The following KRT71 variants were observed in gnomAD, a reference collection of about 807,000 sequenced individuals.
KRT71 encodes keratin, type II cytoskeletal 71.
Under a neutral mutation model 46.2 loss-of-function variants are expected in KRT71, and 42 were observed. That is an observed-to-expected ratio of 0.91 (90% CI 0.71 to 1.18). The LOEUF (loss-of-function observed/expected upper bound fraction) is 1.18, where lower values mean the gene tolerates loss of function less well. Among genes scored for constraint, KRT71 ranks in the 50% most tolerant of loss-of-function variants. The pLI, the probability that KRT71 is intolerant of heterozygous loss-of-function variation, is 0.00. For missense variants in KRT71, 708 were observed against 677.9 expected (o/e 1.04, Z -0.49); for synonymous variants, 292 against 277.8 (o/e 1.05, Z -0.51).
In KRT71 at chr12:52,550,195, G is replaced by C. The variant is rs776903920; in HGVS notation, c.490C>G (p.Leu164Val). ...QNQVLETKWE[L>V]LQQLDLNNCK... ...TTGTTCAGGTCCAGCTGCTGCAGCA[G>C]CTCCCACTTGGTCTCCAGTACCTGG... The change falls in exon 2 of 9, where the codon CTG becomes GTG. Residue 164 changes from leucine to valine, a missense_variant. Coordinates refer to ENST00000267119, the MANE Select transcript of KRT71 (RefSeq NM_033448.3). 2 of 1,614,212 alleles carry C rather than the reference G, an allele frequency of 1.2e-6. No homozygotes were observed. The highest frequency in any genetic ancestry group is 1.1e-5 in the South Asian group (1 of 91,088).
intron 8 of KRT71, 106 bp from the exon 9 acceptor site, chr12:52,544,849 G>C (rs1404906296): frequency 2.3e-6 from 2 of 871,770 alleles, no homozygotes; most frequent in Admixed American, 4.1e-5. Flanking sequence ...GTGGGGAGGT[G>C]CACACCCGCT....
At position 52,549,225 on chromosome 12, in the gene KRT71, C is replaced by A. The variant is rs185029487; in HGVS notation, c.717+68G>T. 6.4e-5 allele frequency: 79 copies of A among 1,230,252 alleles called. No individual in the cohort carries two copies. In the African/African-American group the frequency reaches 1.1e-3, roughly 16 times the overall value. 76.2% of individuals were successfully genotyped at this position (1,230,252 alleles called of 1,614,324 possible). On this transcript the variant is annotated intron_variant, in intron 3 of 8. Transcript: ENST00000267119. The stretch of plus-strand genomic sequence containing the variant: ...CACCTTGAGGGGGGCTAACAGAGCA[C>A]CTTGGCAGGCTCTGTTCCTCCAGGT...
chr12:52,551,880 C>T (rs1036505141), intron 1 of KRT71, among the ~76,000 whole-genome samples: 5 of 152,336 alleles, frequency 3.3e-5, no homozygotes, highest in Middle Eastern at 3.4e-3. Flanking sequence ...GATTCCTCCC[C>T]TGAGCTTCCC....
intron 8 of KRT71, 63 bp from the exon 9 acceptor site, chr12:52,544,806 C>A: frequency 7.3e-7 from 1 of 1,362,732 alleles, no homozygotes; most frequent in Non-Finnish European, 1.0e-6. Flanking sequence ...TCCTTTTCCC[C>A]AGGGCAGACA....
intron 3 of KRT71, among the ~76,000 whole-genome samples, chr12:52,549,057 C>A (rs910493948): frequency 2.0e-5 from 3 of 152,204 alleles, no homozygotes; most frequent in Non-Finnish European, 2.9e-5. Flanking sequence ...CCTCTGTATT[C>A]TTCTCCGTGT....
chr12:52,551,317 T>C (rs537798796), intron 1 of KRT71, among the ~76,000 whole-genome samples: 1 of 152,318 alleles, frequency 6.6e-6, no homozygotes, highest in East Asian at 1.9e-4. Flanking sequence ...CAGACCATCT[T>C]TATAAACAGG....
chr12:52,548,029 T>A (rs1214631908), intron 5 of KRT71, 47 bp from the exon 6 acceptor site: 1 of 1,610,186 alleles, frequency 6.2e-7, no homozygotes, highest in South Asian at 1.1e-5. Flanking sequence ...TGGGAGTGCA[T>A]GTATCTTGGG....
intron 5 of KRT71, 44 bp from the exon 6 acceptor site, chr12:52,548,026 G>A: frequency 6.2e-7 from 1 of 1,610,374 alleles, no homozygotes; most frequent in Non-Finnish European, 8.5e-7. Flanking sequence ...TCGTGGGAGT[G>A]CATGTATCTT....
At position 52,548,212 on chromosome 12, in the gene KRT71, G is replaced by A; in HGVS notation, c.918C>T (p.Thr306=). ...DLDSIIDEVR[T]QYEEIALKSK... ...TCTTCAAGGCAATCTCCTCATACTG[G>A]GTGCGGACTTCGTCAATGATGCTGT... The change falls in exon 5 of 9, where the codon ACC becomes ACT. Residue 306 remains threonine, a synonymous_variant. Coordinates refer to ENST00000267119, the MANE Select transcript of KRT71 (RefSeq NM_033448.3). 1.2e-6 allele frequency: 2 copies of A among 1,614,170 alleles called. No individual in the cohort carries two copies. The highest frequency in any genetic ancestry group is 1.7e-6 in the Non-Finnish European group (2 of 1,180,032).
In KRT71 at chr12:52,546,163, T is replaced by C. The variant is rs573354537; in HGVS notation, c.1325+123A>G. 14 of 1,025,080 alleles carry C rather than the reference T, an allele frequency of 1.4e-5. No individual in the cohort carries two copies. In the Admixed American group the frequency reaches 3.3e-4, roughly 24 times the overall value. 63.5% of individuals were successfully genotyped at this position (1,025,080 alleles called of 1,614,324 possible). A position where few individuals can be genotyped will look rare whatever the true frequency, so the allele number is the denominator to read the frequency against. On this transcript the variant is annotated intron_variant, in intron 7 of 8. Transcript: ENST00000267119. Reference sequence around the variant, plus strand: ...AGTATTGTTAATTACTGTGATTATTTCTATCCTCATCACCCCATCACTTCC... The same window carrying C: ...AGTATTGTTAATTACTGTGATTATTCCTATCCTCATCACCCCATCACTTCC...
In KRT71 at chr12:52,544,089, C is replaced by G. The variant is rs1939012785; in HGVS notation, c.*443G>C. ...AGATGTGGGGGTGGGGACTGGGCCA[C>G]TCTTGGTTGTTTGTCCTTCAGTCCT... On this transcript the variant is annotated 3_prime_UTR_variant, in exon 9 of 9. Coordinates refer to ENST00000267119, the MANE Select transcript of KRT71 (RefSeq NM_033448.3). 1 of 188,990 alleles carries G rather than the reference C, an allele frequency of 5.3e-6. No homozygotes were observed. 11.7% of individuals were successfully genotyped at this position (188,990 alleles called of 1,614,324 possible).
At chr12:52,551,183 C>A (rs2120584729) in intron 1 of KRT71, among the ~76,000 whole-genome samples, 1 of 152,338 alleles carries the variant, frequency 6.6e-6, no homozygotes, top group African/African-American at 2.4e-5. Context: ...CTACTGAACA[C>A]ATCTGGATGC....
Position 52,544,710 on chromosome 12 carries a change from T to C in KRT71, c.1394A>G (p.Tyr465Cys), listed in dbSNP as rs753617048. Residue 465 changes from tyrosine to cysteine, a missense_variant, in exon 9 of 9, where the codon TAT becomes TGT. Coordinates refer to ENST00000267119, the MANE Select transcript of KRT71 (RefSeq NM_033448.3). The part of the protein sequence containing the change: ...IISSTSGGSV[Y>C]GFRPSMVSGG... The stretch of plus-strand genomic sequence containing the variant: ...GCTGACCATGCTGGGCCGGAAGCCA[T>C]AGACACTGCCGCCACTGGTGCTGCT... 2.5e-6 allele frequency: 4 copies of C among 1,612,026 alleles called. No homozygotes were observed. Among genetic ancestry groups the C allele is most frequent in the Admixed American group, 1.7e-5 (1 of 59,980 alleles).
At chr12:52,545,185 C>G (rs567135010) in intron 8 of KRT71, among the ~76,000 whole-genome samples, 1 of 152,266 alleles carries the variant, frequency 6.6e-6, no homozygotes, top group Admixed American at 6.5e-5. Context: ...CCTCTAAGAT[C>G]CCTCATTCTC....
chr12:52,546,616 C>T (rs1939062756), intron 6 of KRT71, 110 bp from the exon 7 acceptor site: 3 of 967,012 alleles, frequency 3.1e-6, no homozygotes, highest in South Asian at 1.7e-5. Context: ...CTCCACCCTA[C>T]ACACACCATC....
intron 6 of KRT71, among the ~76,000 whole-genome samples, 199 bp from the exon 7 acceptor site, chr12:52,546,705 G>A (rs1939064156): frequency 2.0e-5 from 3 of 152,230 alleles, no homozygotes; most frequent in Non-Finnish European, 4.4e-5. Flanking sequence ...TGTTGGATGT[G>A]TGGGTGATGG....
intron 6 of KRT71, among the ~76,000 whole-genome samples, chr12:52,547,576 G>A (rs144872910): frequency 6.6e-6 from 1 of 152,200 alleles, no homozygotes; most frequent in Non-Finnish European, 1.5e-5. Context: ...GACAAATACA[G>A]GGAAGCACAG....
chr12:52,546,405 G>A lies in KRT71; in HGVS notation c.1206C>T (p.His402=). The change falls in exon 7 of 9, where the codon CAC becomes CAT. Residue 402 remains histidine, a synonymous_variant. Coordinates refer to ENST00000267119, the MANE Select transcript of KRT71 (RefSeq NM_033448.3). The part of the protein sequence containing the change: ...AKLDELEGAL[H]QAKEELARML... ...TCCGCGCCAGCTCCTCCTTGGCCTG[G>A]TGCAGGGCGCCCTCCAGCTCGTCCA... The A allele has an allele frequency of 6.2e-7, 1 of 1,614,208 alleles. No homozygotes were observed.
chr12:52,549,957 G>T, intron 2 of KRT71, 72 bp downstream of exon 2: 1 of 1,563,972 alleles, frequency 6.4e-7, no homozygotes, highest in Non-Finnish European at 8.8e-7. Context: ...CATTTAAGCT[G>T]GGGTGACTGC....
Sources: allele counts gnomAD v4.1 joint callset (sites outside exome capture counted in the v4.1 genomes callset), GRCh38; gene constraint gnomAD v4.1.1; transcripts MANE v1.5; gene names NCBI Gene and HGNC (gene_info 2026-07-23, HGNC 2026-07-21).